CWC22: variants seen among roughly 807,000 people sequenced by gnomAD.
CWC22 encodes the protein pre-mRNA-splicing factor CWC22 homolog.
Under a neutral mutation model 117.2 loss-of-function variants are expected in CWC22, and 53 were observed. The ratio of observed to expected loss-of-function variants is 0.45; its 90% CI spans 0.36 to 0.57. The LOEUF is 0.57. Ranked by LOEUF, CWC22 falls within the 20% of genes least tolerant of loss-of-function variation. CWC22 has a pLI of 0.00. For missense variants in CWC22, 980 were observed against 1,068.8 expected (o/e 0.92, Z 1.16); for synonymous variants, 360 against 355.6 (o/e 1.01, Z -0.14).
rs1686681418 is a variant in CWC22, at chr2:179,959,149, C to T, written c.1398-67G>A. 13 of 925,190 alleles carry T rather than the reference C, an allele frequency of 1.4e-5. No individual in the cohort carries two copies. The East Asian group carries it at 3.4e-4, about 24-fold the overall frequency. 57.3% of individuals were successfully genotyped at this position (925,190 alleles called of 1,614,324 possible). ...ACTGTACACTCTTATACACAAGAAT[C>T]TTACTTTAATAATGGTTTTAAATCA... On this transcript the variant is annotated intron_variant, in intron 13 of 19. Coordinates refer to ENST00000410053, the MANE Select transcript of CWC22 (RefSeq NM_020943.3).
intron 11 of CWC22, among the ~76,000 whole-genome samples, chr2:179,969,794 G>A (rs1686984281): frequency 6.6e-6 from 1 of 152,070 alleles, no homozygotes; most frequent in South Asian, 2.1e-4. Flanking sequence ...TATGTAAGTA[G>A]GCCTGAGTGT....
chr2:179,959,754 A>T (rs573877836), intron 13 of CWC22, among the ~76,000 whole-genome samples: 5 of 152,208 alleles, frequency 3.3e-5, no homozygotes, highest in Admixed American at 2.0e-4. Context: ...AACATAGAAA[A>T]GGTTTAGTAA....
chr2:180,005,668 G>A (rs1380687212), intron 1 of CWC22, among the ~76,000 whole-genome samples: 1 of 152,180 alleles, frequency 6.6e-6, no homozygotes, highest in Admixed American at 6.5e-5. Context: ...CAAGAATTGA[G>A]GAACAGAGAG....
At chr2:179,999,793 AAC>A (rs1345620032) in intron 1 of CWC22, among the ~76,000 whole-genome samples, 19 of 152,356 alleles carry the variant, frequency 1.2e-4, no homozygotes, top group Middle Eastern at 3.4e-3. Context: ...CAAACATTTT[AAC>A]AGAGTTCATA....
intron 12 of CWC22, among the ~76,000 whole-genome samples, chr2:179,965,492 A>T (rs1686866480): frequency 6.6e-6 from 1 of 152,204 alleles, no homozygotes. Flanking sequence ...ATATGCAGTC[A>T]CTCTCATTTG....
intron 13 of CWC22, among the ~76,000 whole-genome samples, chr2:179,963,403 C>T (rs969924900): frequency 8.7e-6 from 1 of 115,254 alleles, no homozygotes; most frequent in Admixed American, 1.3e-4. Flanking sequence ...AGTGCAGTGG[C>T]GCCATCTCGG....
Position 179,952,615 on chromosome 2 carries a change from AAAAAGACAAGTATATTTTAATTTAT to A in CWC22, c.1690-42_1690-18del, listed in dbSNP as rs1166901181. 3 of 1,332,010 alleles carry A rather than the reference AAAAAGACAAGTATATTTTAATTTAT, an allele frequency of 2.3e-6. No individual in the cohort carries two copies. The highest frequency in any genetic ancestry group is 3.0e-6 in the Non-Finnish European group (3 of 988,022). 82.5% of individuals were successfully genotyped at this position (1,332,010 alleles called of 1,614,324 possible). A position where few individuals can be genotyped will look rare whatever the true frequency, so the allele number is the denominator to read the frequency against. On this transcript the variant is annotated intron_variant, in intron 16 of 19. Transcript: ENST00000410053. ...TTCAAGAACCTGAAAATTAAAATAA[AAAAAGACAAGTATATTTTAATTTAT>A]AAAAGACAGGACATAGTGACCAATA...
At chr2:179,969,234 G>C (rs72960669) in intron 11 of CWC22, among the ~76,000 whole-genome samples, 9,529 of 152,220 alleles carry the variant, frequency 0.063, 416 homozygotes, top group East Asian at 0.26. Context: ...TTTTCAGGGA[G>C]ACTGTAGGAA....
chr2:179,989,433 T>C (rs1471355973), intron 2 of CWC22, among the ~76,000 whole-genome samples: 2 of 152,092 alleles, frequency 1.3e-5, no homozygotes, highest in African/African-American at 2.4e-5. Context: ...ACAACTTTAG[T>C]ACAGGGTAAA....
chr2:179,993,116 A>T (rs1216920081), intron 2 of CWC22, among the ~76,000 whole-genome samples, 199 bp downstream of exon 2: 2 of 152,242 alleles, frequency 1.3e-5, no homozygotes, highest in African/African-American at 4.8e-5. Context: ...AAATTGTTTA[A>T]GTTAGATGGA....
At chr2:180,004,378 T>C (rs2105569281) in intron 1 of CWC22, among the ~76,000 whole-genome samples, 1 of 152,288 alleles carries the variant, frequency 6.6e-6, no homozygotes, top group Non-Finnish European at 1.5e-5. Flanking sequence ...GAGAGTTAAC[T>C]TCTTTTTTTC....
chr2:179,952,295 C>T (rs1488691792), intron 17 of CWC22, among the ~76,000 whole-genome samples, 176 bp downstream of exon 17: 1 of 152,036 alleles, frequency 6.6e-6, no homozygotes, highest in Non-Finnish European at 1.5e-5. Context: ...AAAACCACCA[C>T]TAAAAGTTGC....
At chr2:179,978,739 A>C (rs745768351) in intron 5 of CWC22, among the ~76,000 whole-genome samples, 3 of 152,180 alleles carry the variant, frequency 2.0e-5, no homozygotes, top group Non-Finnish European at 4.4e-5. Flanking sequence ...AATATAAGCC[A>C]CAAAAAAAAT....
chr2:179,952,625 G>C (rs1192813119), intron 16 of CWC22, 27 bp from the exon 17 acceptor site: 1 of 1,271,228 alleles, frequency 7.9e-7, no homozygotes, highest in Non-Finnish European at 1.1e-6. Flanking sequence ...AAAAAGACAA[G>C]TATATTTTAA....
At chr2:179,971,339 T>C (rs895174598) in intron 8 of CWC22, among the ~76,000 whole-genome samples, 1 of 152,146 alleles carries the variant, frequency 6.6e-6, no homozygotes, top group Non-Finnish European at 1.5e-5. Flanking sequence ...TTGAATTATC[T>C]TCAGAAGAAA....
At chr2:179,956,970 T>A (rs1471562373) in intron 14 of CWC22, among the ~76,000 whole-genome samples, 1 of 152,130 alleles carries the variant, frequency 6.6e-6, no homozygotes, top group Admixed American at 6.5e-5. Flanking sequence ...ATTTTAACAT[T>A]TTAATTATTA....
rs1336408298 is a variant in CWC22, at chr2:179,970,960, C to T, written c.921G>A (p.Val307=). Residue 307 remains valine, a synonymous_variant, in exon 9 of 20, where the codon GTG becomes GTA. Transcript: ENST00000410053. ...ACTTACCATTGATTCCTCTTGGTGA[C>T]ACTTGTGTTAATTTGAGGCCACATT... The part of the protein sequence containing the change: ...LKECGLKLTQ[V]SPRGINAIFE... 6.2e-7 allele frequency: 1 copy of T among 1,612,574 alleles called. No homozygotes were observed. The highest frequency in any genetic ancestry group is 1.1e-5 in the South Asian group (1 of 90,822).
At chr2:179,960,042 CAT>C (rs1265994276) in intron 13 of CWC22, among the ~76,000 whole-genome samples, 1 of 152,058 alleles carries the variant, frequency 6.6e-6, no homozygotes, top group East Asian at 1.9e-4. Flanking sequence ...AAACAAAACA[CAT>C]GATGTGTAAG....
intron 4 of CWC22, among the ~76,000 whole-genome samples, chr2:179,983,162 T>C (rs1040928821): frequency 6.6e-6 from 1 of 152,092 alleles, no homozygotes; most frequent in African/African-American, 2.4e-5. Flanking sequence ...TAGGTAAACT[T>C]GTGTCATGGG....
Sources: gnomAD v4.1 joint callset for allele counts (sites outside exome capture counted in the v4.1 genomes callset) on GRCh38, gnomAD v4.1.1 for gene constraint, MANE v1.5 for transcripts, NCBI Gene and HGNC (gene_info 2026-07-23, HGNC 2026-07-21) for gene names.